The following GALNT13 variants were observed in gnomAD, a reference collection of about 807,000 sequenced individuals.
GALNT13 encodes the protein polypeptide N-acetylgalactosaminyltransferase 13, also known as UDP-GalNAc:polypeptide N-acetylgalactosaminyltransferase 13.
In GALNT13, 28 loss-of-function variants were observed where a neutral mutation model predicts 64.2. The observed-to-expected ratio is 0.44, with a 90% CI of 0.32 to 0.60. GALNT13 has a LOEUF of 0.60. GALNT13 is among the 20% of genes least tolerant of loss of function. The pLI is 0.05. For missense variants in GALNT13, 577 were observed against 669.8 expected, an observed-to-expected ratio of 0.86 and a Z score of 1.53; for synonymous variants, 214 against 224.6, an observed-to-expected ratio of 0.95 and a Z score of 0.42.
intron 4 of GALNT13, among the ~76,000 whole-genome samples, chr2:154,184,138 C>G (rs144043730): frequency 1.3e-5 from 2 of 151,594 alleles, no homozygotes; most frequent in Admixed American, 1.3e-4. Flanking sequence ...ATATATTATA[C>G]GAATTTACCC....
the GALNT13 span, among the ~76,000 whole-genome samples, chr2:153,294,242 G>A: frequency 6.6e-6 from 1 of 152,150 alleles, no homozygotes; most frequent in African/African-American, 2.4e-5. Flanking sequence ...TGTGGGGGAT[G>A]TGAGGAACTT....
chr2:154,002,276 T>C (rs1262514982), intron 3 of GALNT13, among the ~76,000 whole-genome samples: 1 of 152,072 alleles, frequency 6.6e-6, no homozygotes. Context: ...TTTTTTTCTT[T>C]TGTCTCCTTC....
At chr2:153,719,888 G>T in the GALNT13 span, among the ~76,000 whole-genome samples, 1 of 152,118 alleles carries the variant, frequency 6.6e-6, no homozygotes, top group Non-Finnish European at 1.5e-5. Flanking sequence ...TGGGGGAGGG[G>T]CTCCCGCCAT....
intron 4 of GALNT13, among the ~76,000 whole-genome samples, chr2:154,206,661 G>T (rs1186967597): frequency 3.9e-5 from 6 of 151,934 alleles, no homozygotes; most frequent in African/African-American, 1.2e-4. Flanking sequence ...GCCGGGTGTG[G>T]TGGTGGGTGC....
At chr2:153,726,230 A>G in the GALNT13 span, among the ~76,000 whole-genome samples, 1 of 152,306 alleles carries the variant, frequency 6.6e-6, no homozygotes, top group East Asian at 1.9e-4. Context: ...TAGTTATTCA[A>G]AATTATAATT....
At chr2:153,932,610 C>T (rs1194730418) in intron 2 of GALNT13, among the ~76,000 whole-genome samples, 3 of 141,572 alleles carry the variant, frequency 2.1e-5, no homozygotes, top group Admixed American at 1.4e-4. Flanking sequence ...TCTTTTTTTT[C>T]TTTTTTTCTG....
intron 4 of GALNT13, among the ~76,000 whole-genome samples, chr2:154,212,148 T>C (rs1374346478): frequency 6.6e-6 from 1 of 152,072 alleles, no homozygotes; most frequent in Non-Finnish European, 1.5e-5. Flanking sequence ...AGACAGGAAG[T>C]GTAGGCAACT....
intron 8 of GALNT13, among the ~76,000 whole-genome samples, chr2:154,284,446 CT>C (rs1207425261): frequency 6.6e-6 from 1 of 151,460 alleles, no homozygotes; most frequent in Non-Finnish European, 1.5e-5. Context: ...AATTCCCTTC[CT>C]TTTTTCAGCT....
the GALNT13 span, among the ~76,000 whole-genome samples, chr2:153,718,073 G>A: frequency 1.3e-5 from 2 of 151,138 alleles, no homozygotes; most frequent in African/African-American, 4.9e-5. Flanking sequence ...TTAATTTAAC[G>A]ATGTCAAAAA....
the GALNT13 span, among the ~76,000 whole-genome samples, chr2:153,415,232 A>G: frequency 6.6e-6 from 1 of 152,318 alleles, no homozygotes; most frequent in East Asian, 1.9e-4. Flanking sequence ...CTGCAAGGCC[A>G]GGGCAGAAGA....
chr2:153,468,044 T>G, the GALNT13 span, among the ~76,000 whole-genome samples: 1 of 151,826 alleles, frequency 6.6e-6, no homozygotes, highest in African/African-American at 2.4e-5. Flanking sequence ...GTAACTTCAC[T>G]CAATCTTTAT....
At chr2:153,800,309 A>T in the GALNT13 span, among the ~76,000 whole-genome samples, 1 of 152,182 alleles carries the variant, frequency 6.6e-6, no homozygotes, top group Non-Finnish European at 1.5e-5. Context: ...AAAATAATAA[A>T]AAATCCTAAT....
the GALNT13 span, among the ~76,000 whole-genome samples, chr2:153,653,036 C>T: frequency 1.1e-4 from 16 of 152,004 alleles, no homozygotes; most frequent in African/African-American, 3.4e-4. Context: ...ATTTGTATAT[C>T]GGAAATACAT....
intron 11 of GALNT13, among the ~76,000 whole-genome samples, chr2:154,414,541 T>C (rs529122612): frequency 6.6e-6 from 1 of 152,010 alleles, no homozygotes; most frequent in African/African-American, 2.4e-5. Flanking sequence ...GCCATTTTAG[T>C]ATGGGAGAAA....
chr2:154,359,257 C>T (rs548841388), intron 9 of GALNT13, among the ~76,000 whole-genome samples: 14 of 152,144 alleles, frequency 9.2e-5, no homozygotes, highest in Middle Eastern at 3.4e-3. Flanking sequence ...AGAGCATCAG[C>T]GGGACAAGTC....
At chr2:153,178,653 T>C in the GALNT13 span, among the ~76,000 whole-genome samples, 1 of 151,978 alleles carries the variant, frequency 6.6e-6, no homozygotes, top group South Asian at 2.1e-4. Context: ...TCCTAATCTA[T>C]GGGTTGTCTC....
intron 3 of GALNT13, among the ~76,000 whole-genome samples, chr2:154,103,906 A>C (rs1271370640): frequency 6.6e-6 from 1 of 152,078 alleles, no homozygotes; most frequent in Non-Finnish European, 1.5e-5. Flanking sequence ...TTCTGTCATC[A>C]GATTTTTTAT....
At chr2:153,705,621 T>C in the GALNT13 span, among the ~76,000 whole-genome samples, 3 of 152,188 alleles carry the variant, frequency 2.0e-5, no homozygotes, top group Admixed American at 1.3e-4. Context: ...CTGAAACATA[T>C]CTGAAACTCA....
chr2:153,586,928 T>A, the GALNT13 span, among the ~76,000 whole-genome samples: 3 of 151,758 alleles, frequency 2.0e-5, no homozygotes, highest in Admixed American at 2.0e-4. Flanking sequence ...TCCTGAATGA[T>A]CATTGGGTCA....
Sources: gnomAD v4.1 joint callset for allele counts (sites outside exome capture counted in the v4.1 genomes callset) on GRCh38, gnomAD v4.1.1 for gene constraint, MANE v1.5 for transcripts, NCBI Gene and HGNC (gene_info 2026-07-23, HGNC 2026-07-21) for gene names.